The following SPNS1 variants were observed in gnomAD, a reference collection of about 807,000 sequenced individuals.
The protein encoded by SPNS1 is SPNS lysolipid transporter 1, lysophospholipid.
Under a neutral mutation model 50.3 loss-of-function variants are expected in SPNS1, and 22 were observed. The observed-to-expected ratio is 0.44, with a 90% confidence interval of 0.31 to 0.62. The LOEUF (loss-of-function observed/expected upper bound fraction) is 0.62, where lower values mean the gene tolerates loss of function less well. SPNS1 is among the 20% of genes least tolerant of loss of function. The pLI, the probability that SPNS1 is intolerant of heterozygous loss-of-function variation, is 0.07. For missense variants in SPNS1, 576 were observed against 728.6 expected (o/e 0.79, Z 2.41); for synonymous variants, 295 against 317.4 (o/e 0.93, Z 0.75).
intron 5 of SPNS1, chr16:28,979,766 G>A (rs918890356): frequency 3.5e-5 from 12 of 341,156 alleles, no homozygotes; most frequent in Non-Finnish European, 5.6e-5. Flanking sequence ...GCTAACACCT[G>A]TATCCCAGCA....
In SPNS1 at chr16:28,983,078, C is replaced by A; in HGVS notation, c.1222-114C>A. The stretch of plus-strand genomic sequence containing the variant: ...CCCCCGGCCTGCCCTGCGACCTCAA[C>A]CCCAGGCACACCTCTGACCCCGGCC... On this transcript the variant is annotated intron_variant, in intron 9 of 11. Transcript: ENST00000311008. The surrounding 1 kb of genome is among the most constrained non-coding windows in gnomAD (Gnocchi z 5.4). 1 of 1,206,440 alleles carries A rather than the reference C, an allele frequency of 8.3e-7. No homozygotes were observed. Among genetic ancestry groups the A allele is most frequent in the South Asian group, 1.3e-5 (1 of 78,804 alleles). 74.7% of individuals were successfully genotyped at this position (1,206,440 alleles called of 1,614,324 possible).
At position 28,984,089 on chromosome 16, in the gene SPNS1, C is replaced by T. The variant is rs181365946; in HGVS notation, c.1493-116C>T. The T allele has an allele frequency of 4.5e-3, 6,500 of 1,437,406 alleles. 29 individuals are homozygous for T. The highest frequency in any genetic ancestry group is 5.5e-3 in the Non-Finnish European group (5,824 of 1,068,548). The allele number at this position is 1,437,406 out of a possible 1,614,324, so 89.0% of individuals were successfully genotyped here. On this transcript the variant is annotated intron_variant, in intron 11 of 11. Coordinates refer to ENST00000311008, the MANE Select transcript of SPNS1 (RefSeq NM_032038.3). ...TGTTTGGCCTCCAGTCTGTCTGCATCCACCCCTGGGGTGGCTCTGTGGCTG... is the reference window on the plus strand; with the variant it reads ...TGTTTGGCCTCCAGTCTGTCTGCATTCACCCCTGGGGTGGCTCTGTGGCTG...
chr16:28,982,988 G>A, intron 9 of SPNS1, 66 bp downstream of exon 9: 1 of 1,558,020 alleles, frequency 6.4e-7, no homozygotes, highest in South Asian at 1.1e-5. Flanking sequence ...GGTCAGGAGT[G>A]TTGCCTCTAC....
At chr16:28,979,329 G>T in intron 4 of SPNS1, 23 bp downstream of exon 4, 1 of 1,614,128 alleles carries the variant, frequency 6.2e-7, no homozygotes, top group Non-Finnish European at 8.5e-7. Flanking sequence ...GGGGCCTGGG[G>T]GAAGGCAGAA....
Position 28,975,120 on chromosome 16 carries a change from C to T in SPNS1, c.-32C>T, listed in dbSNP as rs1567519631. ...TCGCAGGTGGGATCGTCGGTGGGAC[C>T]GGAGCGCGGGCGGGCGCGGCCCCCC... On this transcript the variant is annotated 5_prime_UTR_variant, in exon 1 of 12. Transcript: ENST00000311008. 1 of 1,467,710 alleles carries T rather than the reference C, an allele frequency of 6.8e-7. No individual in the cohort carries two copies. The highest frequency in any genetic ancestry group is 9.0e-7 in the Non-Finnish European group (1 of 1,113,880). 90.9% of individuals were successfully genotyped at this position (1,467,710 alleles called of 1,614,324 possible).
Position 28,975,258 on chromosome 16 carries a change from C to G in SPNS1, c.107C>G (p.Ser36Cys). The G allele has an allele frequency of 6.5e-7, 1 of 1,549,846 alleles. No individual in the cohort carries two copies. Among genetic ancestry groups the G allele is most frequent in the Middle Eastern group, 2.1e-4 (1 of 4,792 alleles). Residue 36 changes from serine (S) to cysteine (C), a missense_variant, in exon 1 of 12, where the codon TCC becomes TGC. Ser to Cys is a moderately radical substitution (Grantham distance 112). Coordinates refer to ENST00000311008, the MANE Select transcript of SPNS1 (RefSeq NM_032038.3). ...GLPGSTGNPK[S>C]EEPEVPDQEG... ...CCAGGGTCCACGGGGAACCCGAAGT[C>G]CGAGGAGCCCGAGGTCCCGGACCAG...
chr16:28,983,248 C>T lies in SPNS1; in HGVS notation c.1278C>T (p.Ser426=). 5.6e-6 allele frequency: 9 copies of T among 1,614,102 alleles called. No individual in the cohort carries two copies. The highest frequency in any genetic ancestry group is 7.6e-6 in the Non-Finnish European group (9 of 1,179,996). The part of the protein sequence containing the change: ...STAEAFQIVL[S]HLLGDAGSPY... ...CCGAGGCCTTCCAGATCGTGCTGTCCCACCTGCTGGGTGATGCTGGGAGCC... is the reference window on the plus strand; with the variant it reads ...CCGAGGCCTTCCAGATCGTGCTGTCTCACCTGCTGGGTGATGCTGGGAGCC... Residue 426 remains serine (S), a synonymous_variant, in exon 10 of 12, where the codon TCC becomes TCT. Transcript: ENST00000311008. The surrounding 1 kb of genome is among the most constrained non-coding windows in gnomAD (Gnocchi z 5.4).
Position 28,983,090 on chromosome 16 carries a change from C to A in SPNS1, c.1222-102C>A. The A allele has an allele frequency of 8.1e-7, 1 of 1,230,064 alleles. No homozygotes were observed. Among genetic ancestry groups the A allele is most frequent in the Non-Finnish European group, 1.2e-6 (1 of 849,340 alleles). The allele number at this position is 1,230,064 out of a possible 1,614,324, so 76.2% of individuals were successfully genotyped here. ...CCTGCGACCTCAACCCCAGGCACAC[C>A]TCTGACCCCGGCCTAGGCGGATCCT... On this transcript the variant is annotated intron_variant, in intron 9 of 11. Coordinates refer to ENST00000311008, the MANE Select transcript of SPNS1 (RefSeq NM_032038.3). This position sits in a 1 kb window ranked among gnomAD's most constrained non-coding sequence, Gnocchi z 5.4.
intron 3 of SPNS1, 84 bp from the exon 4 acceptor site, chr16:28,979,071 C>T: frequency 3.9e-6 from 6 of 1,526,936 alleles, no homozygotes; most frequent in Non-Finnish European, 5.3e-6. Context: ...GCCATCCCTG[C>T]TGCCTCTTGG....
Position 28,974,916 on chromosome 16 carries a change from C to T in SPNS1, c.-236C>T. The T allele has an allele frequency of 6.6e-7, 1 of 1,521,062 alleles. No homozygotes were observed. Among genetic ancestry groups the T allele is most frequent in the East Asian group, 2.5e-5 (1 of 40,692 alleles). The allele number at this position is 1,521,062 out of a possible 1,614,324, so 94.2% of individuals were successfully genotyped here. A position where few individuals can be genotyped will look rare whatever the true frequency, so the allele number is the denominator to read the frequency against. On this transcript the variant is annotated 5_prime_UTR_variant, in exon 1 of 12. Coordinates refer to ENST00000311008, the MANE Select transcript of SPNS1 (RefSeq NM_032038.3). ...TGCCCTCTTCAGCCCGCTCCTGTCCCCGACATCACGTGTATTCCGCACGTC... is the reference window on the plus strand; with the variant it reads ...TGCCCTCTTCAGCCCGCTCCTGTCCTCGACATCACGTGTATTCCGCACGTC...
chr16:28,982,046 T>C lies in SPNS1; in HGVS notation c.955T>C (p.Ser319Pro), dbSNP rs1252608364. Reference protein sequence around the residue: ...PPCLPGDSCSSSDSLIFGLIT... With the variant: ...PPCLPGDSCSPSDSLIFGLIT... ...CTGCCTTCCCGGAGACTCCTGCTCT[T>C]CCTCTGACAGGTGCCCAGATGGGGC... The change falls in exon 7 of 12, where the codon TCC becomes CCC. Residue 319 changes from serine to proline, a missense_variant. Physicochemically the swap from Ser to Pro is moderately conservative, Grantham distance 74 (BLOSUM62 -1). Coordinates refer to ENST00000311008, the MANE Select transcript of SPNS1 (RefSeq NM_032038.3). 1 of 1,613,986 alleles carries C rather than the reference T, an allele frequency of 6.2e-7. No individual in the cohort carries two copies. The highest frequency in any genetic ancestry group is 8.5e-7 in the Non-Finnish European group (1 of 1,179,918).
chr16:28,983,365 G>A lies in SPNS1; in HGVS notation c.1320+75G>A, dbSNP rs1028008810. 22 of 1,200,050 alleles carry A rather than the reference G, an allele frequency of 1.8e-5. No individual in the cohort carries two copies. Among genetic ancestry groups the A allele is most frequent in the African/African-American group, 3.0e-5 (2 of 66,624 alleles). 74.3% of individuals were successfully genotyped at this position (1,200,050 alleles called of 1,614,324 possible). A position where few individuals can be genotyped will look rare whatever the true frequency, so the allele number is the denominator to read the frequency against. On this transcript the variant is annotated intron_variant, in intron 10 of 11. Coordinates refer to ENST00000311008, the MANE Select transcript of SPNS1 (RefSeq NM_032038.3). The surrounding 1 kb of genome is among the most constrained non-coding windows in gnomAD (Gnocchi z 5.4). ...GGCTGGATCAGAAGGCCTGGCCCTA[G>A]TGAAGTGTCTGTGTCCTGCGTGCTG...
rs1282666323 is a variant in SPNS1, at chr16:28,975,066, T to C, written c.-86T>C. ...GCGCACTTCCCTCGCCTGTGTTCGG[T>C]CCATCCTCCTTTCTCCAGCCTCCTC... On this transcript the variant is annotated 5_prime_UTR_variant, in exon 1 of 12. Transcript: ENST00000311008. 2 of 1,437,100 alleles carry C rather than the reference T, an allele frequency of 1.4e-6. No individual in the cohort carries two copies. Among genetic ancestry groups the C allele is most frequent in the African/African-American group, 1.4e-5 (1 of 69,550 alleles). The allele number at this position is 1,437,100 out of a possible 1,614,324, so 89.0% of individuals were successfully genotyped here.
At position 28,979,292 on chromosome 16, in the gene SPNS1, C is replaced by A; in HGVS notation, c.582C>A (p.Ala194=). ...GGATGCTCAGCATCTTCTACTTTGCCATTCCGGTGGGCAGGTGAGTGGGCC... is the reference window on the plus strand; with the variant it reads ...GGATGCTCAGCATCTTCTACTTTGCAATTCCGGTGGGCAGGTGAGTGGGCC... ...RSRMLSIFYF[A]IPVGSGLGYI... The change falls in exon 4 of 12, where the codon GCC becomes GCA. Residue 194 remains alanine, a synonymous_variant. Transcript: ENST00000311008. 6.2e-7 allele frequency: 1 copy of A among 1,614,216 alleles called. No homozygotes were observed. Among genetic ancestry groups the A allele is most frequent in the South Asian group, 1.1e-5 (1 of 91,090 alleles).
chr16:28,983,504 C>A lies in SPNS1; in HGVS notation c.1320+214C>A, dbSNP rs74014834. 6.6e-6 allele frequency among the ~76,000 whole-genome samples: 1 copy of A among 152,180 alleles called. No individual in the cohort carries two copies. On this transcript the variant is annotated intron_variant, in intron 10 of 11. Transcript: ENST00000311008. The surrounding 1 kb of genome is among the most constrained non-coding windows in gnomAD (Gnocchi z 5.4). ...GGTCCAAACTCCTCCTTTCTTTTCT[C>A]TTTTCTTTTCTTCCTGAGACAAGAC...
In SPNS1 at chr16:28,981,558, A is replaced by C; in HGVS notation, c.752A>C (p.Asp251Ala). ...PPRGAVERHS[D>A]LPPLNPTSWW... ...AGGGGAGCCGTGGAGCGCCACTCAGATTTGCCACCCCTGAACCCCACCTCG... is the reference window on the plus strand; with the variant it reads ...AGGGGAGCCGTGGAGCGCCACTCAGCTTTGCCACCCCTGAACCCCACCTCG... Residue 251 changes from aspartate (D) to alanine (A), a missense_variant, in exon 6 of 12, where the codon GAT becomes GCT. By Grantham distance (126) the Asp-to-Ala change is moderately radical. Transcript: ENST00000311008. This position sits in a 1 kb window ranked among gnomAD's most constrained non-coding sequence, Gnocchi z 4.2. The C allele has an allele frequency of 6.2e-7, 1 of 1,614,072 alleles. No homozygotes were observed. The highest frequency in any genetic ancestry group is 1.6e-4 in the Middle Eastern group (1 of 6,062).
In SPNS1 at chr16:28,974,983, G is replaced by A. The variant is rs1316776224; in HGVS notation, c.-169G>A. The A allele has an allele frequency of 1.4e-6, 2 of 1,458,846 alleles. No individual in the cohort carries two copies. The highest frequency in any genetic ancestry group is 9.0e-7 in the Non-Finnish European group (1 of 1,105,766). 90.4% of individuals were successfully genotyped at this position (1,458,846 alleles called of 1,614,324 possible). A position where few individuals can be genotyped will look rare whatever the true frequency, so the allele number is the denominator to read the frequency against. On this transcript the variant is annotated 5_prime_UTR_variant, in exon 1 of 12. Coordinates refer to ENST00000311008, the MANE Select transcript of SPNS1 (RefSeq NM_032038.3). ...TCTACTGAGACGGGGAGGCGTGACA[G>A]GGCCCGGGTCCCTTCTCAGTGGTGC...
Position 28,975,249 on chromosome 16 carries a change from A to C in SPNS1, c.98A>C (p.Asn33Thr). ...CCGGGGTTGCCAGGGTCCACGGGGAACCCGAAGTCCGAGGAGCCCGAGGTC... is the reference window on the plus strand; with the variant it reads ...CCGGGGTTGCCAGGGTCCACGGGGACCCCGAAGTCCGAGGAGCCCGAGGTC... ...GTPGLPGSTGNPKSEEPEVPD... is the reference protein window; with the variant it reads ...GTPGLPGSTGTPKSEEPEVPD... Residue 33 changes from asparagine to threonine, a missense_variant, in exon 1 of 12, where the codon AAC (asparagine) becomes ACC (threonine). Physicochemically the swap from Asn to Thr is moderately conservative, Grantham distance 65 (BLOSUM62 0). Coordinates refer to ENST00000311008, the MANE Select transcript of SPNS1 (RefSeq NM_032038.3). The C allele has an allele frequency of 2.6e-6, 4 of 1,543,206 alleles. No homozygotes were observed. Among genetic ancestry groups the C allele is most frequent in the Non-Finnish European group, 3.5e-6 (4 of 1,143,740 alleles).
In SPNS1 at chr16:28,974,857, ACCCCG is replaced by A. The variant is rs1413632274; in HGVS notation, c.-294_-290del. 12 of 1,535,216 alleles carry A rather than the reference ACCCCG, an allele frequency of 7.8e-6. No individual in the cohort carries two copies. In the East Asian group the frequency reaches 2.9e-4, roughly 37 times the overall value. ...GCGACAGCAAGTGCAGCGGGCTCCT[ACCCCG>A]GGTGAGGGGTGGCCTCCGCGTGGGA... On this transcript the variant is annotated 5_prime_UTR_variant, in exon 1 of 12. The change abolishes the stop of an existing upstream ORF in the 5' untranslated region. Coordinates refer to ENST00000311008, the MANE Select transcript of SPNS1 (RefSeq NM_032038.3).
Sources: allele counts gnomAD v4.1 joint callset (sites outside exome capture counted in the v4.1 genomes callset), GRCh38; gene constraint gnomAD v4.1.1; non-coding constraint Gnocchi (gnomAD v3.1); transcripts MANE v1.5; gene names NCBI Gene and HGNC (gene_info 2026-07-23, HGNC 2026-07-21).